Variants in MRPL45 observed in about 807,000 individuals in gnomAD.
MRPL45 encodes the protein mitochondrial ribosomal protein L45, also known as large ribosomal subunit protein mL45.
MRPL45 carries 20 observed loss-of-function variants against 38.1 expected under a neutral mutation model. That is an observed-to-expected ratio of 0.53 (90% CI 0.37 to 0.76). MRPL45 has a LOEUF of 0.76. Ranked by LOEUF, MRPL45 falls within the 30% of genes least tolerant of loss-of-function variation. MRPL45 has a pLI of 0.00. For synonymous variants in MRPL45, 105 were observed against 128.8 expected, an observed-to-expected ratio of 0.82 and a Z score of 1.25; for missense variants, 337 against 395.6, an observed-to-expected ratio of 0.85 and a Z score of 1.26.
At chr17:38,302,301 A>G (rs1434763854) in intron 3 of MRPL45, among the ~76,000 whole-genome samples, 1 of 151,484 alleles carries the variant, frequency 6.6e-6, no homozygotes, top group Non-Finnish European at 1.5e-5. Context: ...AGCCTGGCCA[A>G]CATGGTGAGA....
chr17:38,312,811 A>G (rs2037125090), intron 4 of MRPL45, among the ~76,000 whole-genome samples: 1 of 149,270 alleles, frequency 6.7e-6, no homozygotes, highest in South Asian at 2.1e-4. Flanking sequence ...GTGTCACTAC[A>G]CTCCAGCCTC....
At chr17:38,313,636 G>T (rs549866144) in intron 4 of MRPL45, among the ~76,000 whole-genome samples, 138 of 150,716 alleles carry the variant, frequency 9.2e-4, no homozygotes, top group African/African-American at 3.3e-3. Context: ...TGTGCTATTG[G>T]CCTTTTGTAC....
intron 4 of MRPL45, among the ~76,000 whole-genome samples, chr17:38,309,167 A>G (rs2037083390): frequency 6.6e-6 from 1 of 150,670 alleles, no homozygotes; most frequent in Admixed American, 6.6e-5. Flanking sequence ...GGCCTCCCAA[A>G]GTGCTGGGAT....
chr17:38,322,321 A>C, intron 7 of MRPL45, 22 bp downstream of exon 7: 1 of 1,611,676 alleles, frequency 6.2e-7, no homozygotes, highest in Non-Finnish European at 8.5e-7. Context: ...TGCATGGTTT[A>C]AGAGAGCTGA....
intron 4 of MRPL45, among the ~76,000 whole-genome samples, chr17:38,312,877 A>G (rs1371187724): frequency 1.3e-5 from 2 of 151,236 alleles, no homozygotes. Context: ...AGGAACCACC[A>G]TATGGTTTTC....
chr17:38,309,661 G>C (rs1320447800), intron 4 of MRPL45, among the ~76,000 whole-genome samples: 1 of 150,004 alleles, frequency 6.7e-6, no homozygotes, highest in African/African-American at 2.5e-5. Flanking sequence ...GTCTGGCCTT[G>C]TTGCCCAGGC....
At chr17:38,319,421 G>A (rs1442617028) in intron 5 of MRPL45, among the ~76,000 whole-genome samples, 5 of 151,674 alleles carry the variant, frequency 3.3e-5, no homozygotes, top group Admixed American at 6.6e-5. Flanking sequence ...CGCCCGCCTC[G>A]GCCTCCCAAA....
At chr17:38,303,460 G>A (rs1385971274) in intron 3 of MRPL45, among the ~76,000 whole-genome samples, 1 of 151,526 alleles carries the variant, frequency 6.6e-6, no homozygotes, top group African/African-American at 2.4e-5. Context: ...ACCACACCTG[G>A]CTGTTTTGTA....
chr17:38,318,577 C>A, intron 4 of MRPL45, 110 bp from the exon 5 acceptor site: 2 of 808,534 alleles, frequency 2.5e-6, no homozygotes, highest in Non-Finnish European at 4.2e-6. Context: ...CTAGATGTGC[C>A]GAAAACATTT....
chr17:38,304,173 A>G (rs2037027912), intron 3 of MRPL45, among the ~76,000 whole-genome samples: 3 of 152,318 alleles, frequency 2.0e-5, no homozygotes, highest in Admixed American at 6.5e-5. Flanking sequence ...TTCCTCAATT[A>G]AAAGTACTGC....
At chr17:38,318,206 C>CAA (rs1163303123) in intron 4 of MRPL45, among the ~76,000 whole-genome samples, 96 of 57,602 alleles carry the variant, frequency 1.7e-3, no homozygotes, top group African/African-American at 2.1e-3. Flanking sequence ...GACTCTGTCT[C>CAA]AAAAAAAAAA....
chr17:38,303,674 G>T (rs2037022709), intron 3 of MRPL45, among the ~76,000 whole-genome samples: 1 of 151,578 alleles, frequency 6.6e-6, no homozygotes, highest in African/African-American at 2.4e-5. Context: ...TGGACTAGTT[G>T]CTCTTAAGGC....
At position 38,306,567 on chromosome 17, in the gene MRPL45, A is replaced by G. The variant is rs2037056837; in HGVS notation, c.397A>G (p.Lys133Glu). 5 of 1,610,322 alleles carry G rather than the reference A, an allele frequency of 3.1e-6. No homozygotes were observed. The highest frequency in any genetic ancestry group is 1.7e-5 in the Admixed American group (1 of 59,106). ...GATAAAAGACTATGATGCCAACTTT[A>G]AAATAAAGGACTTCCCTGAAAAAGC... Reference protein sequence around the residue: ...RRIKDYDANFKIKDFPEKAKD... With the variant: ...RRIKDYDANFEIKDFPEKAKD... The change falls in exon 4 of 8, where the codon AAA becomes GAA. Residue 133 changes from lysine (K) to glutamate (E), a missense_variant. Physicochemically the swap from Lys to Glu is moderately conservative, Grantham distance 56 (BLOSUM62 1). Coordinates refer to ENST00000613675, the MANE Select transcript of MRPL45 (RefSeq NM_032351.6).
intron 3 of MRPL45, among the ~76,000 whole-genome samples, chr17:38,304,551 A>AT (rs71254281): frequency 0.048 from 7,194 of 150,316 alleles, 210 homozygotes; most frequent in Middle Eastern, 0.25. Flanking sequence ...TTTTTATTTT[A>AT]TTTTTTTTTT....
At chr17:38,317,729 T>C (rs1347960402) in intron 4 of MRPL45, among the ~76,000 whole-genome samples, 3 of 151,870 alleles carry the variant, frequency 2.0e-5, no homozygotes, top group African/African-American at 7.3e-5. Flanking sequence ...CTGCTACTAC[T>C]CTCGGCTAAT....
In MRPL45 at chr17:38,298,542, A is replaced by C; in HGVS notation, c.160A>C (p.Lys54Gln). The part of the protein sequence containing the change: ...PIYQPKFKTE[K>Q]EFMQHARKAG... ...TTATCAACCTAAATTTAAAACAGAAAAGGAGTTTATGCAACATGCCCGGAA... is the reference window on the plus strand; with the variant it reads ...TTATCAACCTAAATTTAAAACAGAACAGGAGTTTATGCAACATGCCCGGAA... Residue 54 changes from lysine (K) to glutamine (Q), a missense_variant, in exon 2 of 8, where the codon AAG becomes CAG. Lys to Gln is a moderately conservative substitution (Grantham distance 53). Transcript: ENST00000613675. 1 of 1,613,896 alleles carries C rather than the reference A, an allele frequency of 6.2e-7. No individual in the cohort carries two copies. Among genetic ancestry groups the C allele is most frequent in the Non-Finnish European group, 8.5e-7 (1 of 1,179,854 alleles).
rs539278291 is a variant in MRPL45, at chr17:38,301,681, A to G, written c.362+2213A>G. 6.7e-4 allele frequency among the ~76,000 whole-genome samples: 102 copies of G among 152,322 alleles called. 4 individuals are homozygous for G. The South Asian group carries it at 0.017, about 25-fold the overall frequency. ...TGTATTTCTCTCCTGGACTGTGAGC[A>G]GGGTCCATGGTGATGATGAACAAAG... On this transcript the variant is annotated intron_variant, in intron 3 of 7. Coordinates refer to ENST00000613675, the MANE Select transcript of MRPL45 (RefSeq NM_032351.6).
intron 4 of MRPL45, among the ~76,000 whole-genome samples, chr17:38,313,499 G>A (rs2037145646): frequency 6.7e-6 from 1 of 148,210 alleles, no homozygotes; most frequent in Admixed American, 6.8e-5. Flanking sequence ...TAGGACTACA[G>A]GTGTGAGCCA....
chr17:38,302,643 C>CT (rs1311142935), intron 3 of MRPL45, among the ~76,000 whole-genome samples: 1 of 150,432 alleles, frequency 6.6e-6, no homozygotes, highest in East Asian at 1.9e-4. Flanking sequence ...TTGTCAAATG[C>CT]TTTTTTGTGT....
Sources: allele counts gnomAD v4.1 joint callset (sites outside exome capture counted in the v4.1 genomes callset), GRCh38; gene constraint gnomAD v4.1.1; transcripts MANE v1.5; gene names NCBI Gene and HGNC (gene_info 2026-07-23, HGNC 2026-07-21).